Variants in SYT1 observed in about 807,000 individuals in gnomAD.
SYT1 encodes the protein synaptotagmin 1.
A neutral mutation model predicts 44.8 loss-of-function variants in SYT1; 8 were observed. The observed-to-expected ratio is 0.18, with a 90% CI of 0.10 to 0.32. The LOEUF is 0.32. Among genes scored for constraint, SYT1 ranks in the 10% least tolerant of loss-of-function variants. The pLI, the probability that SYT1 is intolerant of heterozygous loss-of-function variation, is 1.00. For synonymous variants in SYT1, 154 were observed against 188.8 expected, an observed-to-expected ratio of 0.82 and a Z score of 1.51; for missense variants, 286 against 509.3, an observed-to-expected ratio of 0.56 and a Z score of 4.22.
chr12:78,875,387 T>C (rs1005218202), intron 1 of SYT1, among the ~76,000 whole-genome samples: 2 of 151,538 alleles, frequency 1.3e-5, no homozygotes, highest in Non-Finnish European at 3.0e-5. Context: ...GCTATGGTAC[T>C]TATATAATAA....
intron 3 of SYT1, among the ~76,000 whole-genome samples, chr12:79,162,427 G>T (rs1443064038): frequency 6.6e-6 from 1 of 152,138 alleles, no homozygotes; most frequent in Non-Finnish European, 1.5e-5. Flanking sequence ...TCCTTCAACG[G>T]TTTATGTTGC....
chr12:78,980,760 A>G (rs906768361), intron 2 of SYT1, among the ~76,000 whole-genome samples: 1 of 152,202 alleles, frequency 6.6e-6, no homozygotes, highest in Non-Finnish European at 1.5e-5. Context: ...AGCCAATTAG[A>G]CAAAAAATAT....
intron 5 of SYT1, among the ~76,000 whole-genome samples, chr12:79,291,551 A>C (rs1049074706): frequency 3.3e-5 from 5 of 152,230 alleles, no homozygotes; most frequent in African/African-American, 1.2e-4. Flanking sequence ...ATAGGAAATA[A>C]GGCAACAAAA....
chr12:78,890,331 A>AT lies in SYT1; in HGVS notation c.-217+25223dup, dbSNP rs554991961. On this transcript the variant is annotated intron_variant, in intron 1 of 10. Coordinates refer to ENST00000261205, the MANE Select transcript of SYT1 (RefSeq NM_005639.3). ...GAACCTTAGATCCAACATACCCACAATAGTATTTTAGATCAAGAAACAACA... is the reference window on the plus strand; with the variant it reads ...GAACCTTAGATCCAACATACCCACAATTAGTATTTTAGATCAAGAAACAACA... Among the ~76,000 whole-genome samples the AT allele has an allele frequency of 5.5e-4, 83 of 151,944 alleles. 2 individuals carry two copies. In the South Asian group the frequency reaches 0.017, roughly 31 times the overall value.
chr12:78,998,578 C>A, intron 2 of SYT1, among the ~76,000 whole-genome samples: 1 of 152,094 alleles, frequency 6.6e-6, no homozygotes. Flanking sequence ...ATCTAAACAA[C>A]GATATGATGT....
chr12:78,906,444 A>G (rs2137113458), intron 1 of SYT1, among the ~76,000 whole-genome samples: 1 of 152,254 alleles, frequency 6.6e-6, no homozygotes, highest in South Asian at 2.1e-4. Context: ...CATTTAGTTT[A>G]TGGGATAATA....
At chr12:79,019,092 T>G (rs1380352445) in intron 2 of SYT1, among the ~76,000 whole-genome samples, 1 of 152,006 alleles carries the variant, frequency 6.6e-6, no homozygotes, top group African/African-American at 2.4e-5. Flanking sequence ...ATATCTTGTT[T>G]CTCTCCTTTA....
At chr12:79,013,308 G>A (rs994193574) in intron 2 of SYT1, among the ~76,000 whole-genome samples, 3 of 152,204 alleles carry the variant, frequency 2.0e-5, no homozygotes, top group South Asian at 2.1e-4. Context: ...AGAAGTGAAT[G>A]AGGGTTTAAA....
At chr12:79,079,861 A>G (rs957860465) in intron 3 of SYT1, among the ~76,000 whole-genome samples, 20 of 152,118 alleles carry the variant, frequency 1.3e-4, no homozygotes, top group African/African-American at 4.8e-4. Context: ...AACATGAAAA[A>G]TGGGCCATCT....
chr12:79,419,199 A>G, intron 9 of SYT1: 1 of 489,098 alleles, frequency 2.0e-6, no homozygotes, highest in Non-Finnish European at 4.2e-6. Context: ...ATTTCTACTC[A>G]CATTTCCCAT....
At chr12:78,877,920 C>T (rs1479655362) in intron 1 of SYT1, among the ~76,000 whole-genome samples, 1 of 151,802 alleles carries the variant, frequency 6.6e-6, no homozygotes, top group African/African-American at 2.4e-5. Context: ...TGAGCCACCA[C>T]ACCTGTCCTC....
At chr12:79,298,215 C>A (rs1434603443) in intron 7 of SYT1, among the ~76,000 whole-genome samples, 1 of 152,066 alleles carries the variant, frequency 6.6e-6, no homozygotes, top group Admixed American at 6.6e-5. Context: ...TATCCTTACT[C>A]TAAAAAATTT....
At chr12:79,188,110 G>A (rs573270071) in intron 3 of SYT1, among the ~76,000 whole-genome samples, 2 of 152,102 alleles carry the variant, frequency 1.3e-5, no homozygotes, top group East Asian at 1.9e-4. Flanking sequence ...CATATTTATT[G>A]TGCTGCTTTT....
intron 3 of SYT1, among the ~76,000 whole-genome samples, chr12:79,140,079 G>A (rs942633600): frequency 5.3e-5 from 8 of 152,190 alleles, no homozygotes; most frequent in Admixed American, 5.2e-4. Flanking sequence ...GCTCCCAGAG[G>A]GGCACACAGC....
intron 9 of SYT1, chr12:79,419,163 A>T: frequency 2.3e-6 from 1 of 441,178 alleles, no homozygotes; most frequent in South Asian, 1.7e-5. Flanking sequence ...TGTAGAAGGG[A>T]CTAATGATTC....
intron 2 of SYT1, among the ~76,000 whole-genome samples, chr12:79,024,963 G>C (rs1872431857): frequency 6.6e-6 from 1 of 151,732 alleles, no homozygotes; most frequent in African/African-American, 2.4e-5. Flanking sequence ...ACCTTTGATA[G>C]TCTAAAGCAA....
chr12:78,929,284 C>A (rs1877482785), intron 1 of SYT1, among the ~76,000 whole-genome samples: 2 of 150,868 alleles, frequency 1.3e-5, no homozygotes, highest in Admixed American at 6.6e-5. Flanking sequence ...TGCCTGTAGT[C>A]CCAGCTACTC....
intron 6 of SYT1, among the ~76,000 whole-genome samples, chr12:79,294,739 A>T (rs1296322548): frequency 6.6e-6 from 1 of 152,146 alleles, no homozygotes; most frequent in African/African-American, 2.4e-5. Flanking sequence ...AATACCAAAT[A>T]CCTACTTAGC....
intron 2 of SYT1, among the ~76,000 whole-genome samples, chr12:79,021,068 T>A (rs1358632855): frequency 6.6e-6 from 1 of 150,916 alleles, no homozygotes; most frequent in Non-Finnish European, 1.5e-5. Context: ...AATTTTCATG[T>A]AAACCTACAT....
Sources: gnomAD v4.1 joint callset for allele counts (sites outside exome capture counted in the v4.1 genomes callset) on GRCh38, gnomAD v4.1.1 for gene constraint, MANE v1.5 for transcripts, NCBI Gene and HGNC (gene_info 2026-07-23, HGNC 2026-07-21) for gene names.